The following DERL3 variants were observed in gnomAD, a reference collection of about 807,000 sequenced individuals.
DERL3 encodes derlin-3.
DERL3 carries 20 observed loss-of-function variants against 23.8 expected under a neutral mutation model. The observed-to-expected ratio is 0.84, with a 90% CI of 0.59 to 1.22. The LOEUF (loss-of-function observed/expected upper bound fraction) is 1.22. Among genes scored for constraint, DERL3 ranks in the 50% most tolerant of loss-of-function variants. DERL3 has a pLI of 0.00. For missense variants in DERL3, 319 were observed against 304.1 expected, an observed-to-expected ratio of 1.05 and a Z score of -0.36; for synonymous variants, 145 against 132.5, an observed-to-expected ratio of 1.09 and a Z score of -0.65.
chr22:23,838,504 T>C lies in DERL3; in HGVS notation c.234-59A>G, dbSNP rs1309861080. On this transcript the variant is annotated intron_variant, in intron 3 of 6. Coordinates refer to ENST00000318109, the MANE Select transcript of DERL3 (RefSeq NM_001002862.3). ...GGGCCTCAGTTTCCCCGTCCCGGCCTCTCTCCCAGCCCGGCCGGCCTGCCC... is the reference window on the plus strand; with the variant it reads ...GGGCCTCAGTTTCCCCGTCCCGGCCCCTCTCCCAGCCCGGCCGGCCTGCCC... 5.4e-5 allele frequency: 85 copies of C among 1,573,044 alleles called. 4 individuals are homozygous for C. In the South Asian group the frequency reaches 9.6e-4, roughly 18 times the overall value.
intron 1 of DERL3, 58 bp from the exon 2 acceptor site, chr22:23,838,834 C>A (rs2031332049): frequency 1.3e-6 from 2 of 1,550,626 alleles, no homozygotes; most frequent in Non-Finnish European, 1.7e-6. Flanking sequence ...ACCATGGCGA[C>A]CCTCACCCCT....
At chr22:23,837,604 G>C (rs905816998) in intron 5 of DERL3, 55 bp downstream of exon 5, 2 of 1,558,302 alleles carry the variant, frequency 1.3e-6, no homozygotes, top group African/African-American at 1.4e-5. Flanking sequence ...CATAAGCAGC[G>C]TGTCCTGAGG....
intron 5 of DERL3, 105 bp downstream of exon 5, chr22:23,837,554 T>A: frequency 8.4e-7 from 1 of 1,196,226 alleles, no homozygotes; most frequent in Non-Finnish European, 1.2e-6. Context: ...GAGCCAGGTG[T>A]GAGGAGAACT....
Position 23,838,461 on chromosome 22 carries a change from AG to A in DERL3, c.234-17del, listed in dbSNP as rs770507203. ...GTAGCGGAACCTACGGCGTCGGTAT[AG>A]GAAGTGCCACCAGGCGGGGCCTCAG... On this transcript the variant is annotated splice_polypyrimidine_tract_variant and intron_variant, in intron 3 of 6. Coordinates refer to ENST00000318109, the MANE Select transcript of DERL3 (RefSeq NM_001002862.3). 6.3e-6 allele frequency: 10 copies of A among 1,593,114 alleles called. No homozygotes were observed. The African/African-American group carries it at 1.2e-4, about 19-fold the overall frequency.
chr22:23,834,938 G>T lies in DERL3; in HGVS notation c.*1931C>A. Reference sequence around the variant, plus strand: ...CCTTGCTGCTCTGAAGTCCCCTGCGGAGGGCCCAGTCCTGTGTGGGCACTG... The same window carrying T: ...CCTTGCTGCTCTGAAGTCCCCTGCGTAGGGCCCAGTCCTGTGTGGGCACTG... On this transcript the variant is annotated 3_prime_UTR_variant, in exon 7 of 7. Coordinates refer to ENST00000318109, the MANE Select transcript of DERL3 (RefSeq NM_001002862.3). 1 of 1,605,270 alleles carries T rather than the reference G, an allele frequency of 6.2e-7. No homozygotes were observed.
Position 23,836,863 on chromosome 22 carries a change from T to TG in DERL3, c.*5dup. The TG allele has an allele frequency of 6.9e-7, 1 of 1,453,648 alleles. No individual in the cohort carries two copies. The highest frequency in any genetic ancestry group is 9.1e-7 in the Non-Finnish European group (1 of 1,101,922). The allele number at this position is 1,453,648 out of a possible 1,614,324, so 90.0% of individuals were successfully genotyped here. A position where few individuals can be genotyped will look rare whatever the true frequency, so the allele number is the denominator to read the frequency against. On this transcript the variant is annotated 3_prime_UTR_variant, in exon 7 of 7. Transcript: ENST00000318109. Reference sequence around the variant, plus strand: ...GAAGCCTCTTAGGCCTGGCCCTGGGTGGGGGTCACTGCTGCGGGGGTGGCA... The same window carrying TG: ...GAAGCCTCTTAGGCCTGGCCCTGGGTGGGGGGTCACTGCTGCGGGGGTGGCA...
At position 23,835,066 on chromosome 22, in the gene DERL3, C is replaced by T. The variant is rs918325918; in HGVS notation, c.*1803G>A. On this transcript the variant is annotated 3_prime_UTR_variant, in exon 7 of 7. Coordinates refer to ENST00000318109, the MANE Select transcript of DERL3 (RefSeq NM_001002862.3). ...TTCCCACCCCAGCAGGTGCTGTGGC[C>T]TGGGCCAGCTCCTGCCTTACAAGCC... is the stretch of plus-strand genomic sequence containing the variant. 2.4e-5 allele frequency: 33 copies of T among 1,399,150 alleles called. No individual in the cohort carries two copies. In the Admixed American group the frequency reaches 5.6e-4, roughly 24 times the overall value. The allele number at this position is 1,399,150 out of a possible 1,614,324, so 86.7% of individuals were successfully genotyped here.
chr22:23,838,388 G>T lies in DERL3; in HGVS notation c.291C>A (p.Phe97Leu). ...EGSFRGRTAD[F>L]VFMFLFGGVL... ...CGCCCCCGAAGAGAAACATGAAGACGAAGTCGGCCGTGCGGCCGCGGAAGG... is the reference window on the plus strand; with the variant it reads ...CGCCCCCGAAGAGAAACATGAAGACTAAGTCGGCCGTGCGGCCGCGGAAGG... Residue 97 changes from phenylalanine (F) to leucine (L), a missense_variant, in exon 4 of 7, where the codon TTC becomes TTA. Physicochemically the swap from Phe to Leu is conservative, Grantham distance 22 (BLOSUM62 0). Coordinates refer to ENST00000318109, the MANE Select transcript of DERL3 (RefSeq NM_001002862.3). 1 of 1,610,126 alleles carries T rather than the reference G, an allele frequency of 6.2e-7. No homozygotes were observed. The highest frequency in any genetic ancestry group is 1.1e-5 in the South Asian group (1 of 90,320).
chr22:23,838,963 C>T lies in DERL3; in HGVS notation c.25G>A (p.Glu9Lys). The change falls in exon 1 of 7, where the codon GAG (glutamate) becomes AAG (lysine). Residue 9 changes from glutamate to lysine, a missense_variant. Glu to Lys is a moderately conservative substitution (Grantham distance 56). Transcript: ENST00000318109. The stretch of plus-strand genomic sequence containing the variant: ...GTCACCGCCGGCACCTGCAGGAACT[C>T]GGCCGCTAGTCCCTGCCACGCCATT... The part of the protein sequence containing the change: MAWQGLAA[E>K]FLQVPAVTRA... The T allele has an allele frequency of 6.3e-7, 1 of 1,580,808 alleles. No individual in the cohort carries two copies. The highest frequency in any genetic ancestry group is 1.2e-5 in the South Asian group (1 of 86,934).
Position 23,838,167 on chromosome 22 carries a change from T to G in DERL3, c.327+185A>C, listed in dbSNP as rs1453720048. 4 of 1,541,616 alleles carry G rather than the reference T, an allele frequency of 2.6e-6. No homozygotes were observed. In the Admixed American group the frequency reaches 5.9e-5, roughly 23 times the overall value. On this transcript the variant is annotated intron_variant, in intron 4 of 6. Transcript: ENST00000318109. ...CTCTTTTGTGCATGGCTTTGTATTT[T>G]GCATACAGCACTGAAGATCTAGCCC... is the stretch of plus-strand genomic sequence containing the variant.
At position 23,836,251 on chromosome 22, in the gene DERL3, AT is replaced by A; in HGVS notation, c.*617del. Reference sequence around the variant, plus strand: ...AGTCCTGGCCCTCTTCTGCACCTGAATCCATGGGGCTTTGGCATCACCAGAT... The same window carrying A: ...AGTCCTGGCCCTCTTCTGCACCTGAACCATGGGGCTTTGGCATCACCAGAT... On this transcript the variant is annotated 3_prime_UTR_variant, in exon 7 of 7. Transcript: ENST00000318109. 1.0e-6 allele frequency: 1 copy of A among 985,446 alleles called. No homozygotes were observed. Among genetic ancestry groups the A allele is most frequent in the Non-Finnish European group, 1.2e-6 (1 of 829,952 alleles). 61.0% of individuals were successfully genotyped at this position (985,446 alleles called of 1,614,324 possible).
At position 23,835,373 on chromosome 22, in the gene DERL3, T is replaced by G; in HGVS notation, c.*1496A>C. Reference sequence around the variant, plus strand: ...ACAGACTGCTGCCACCCTCAGCTGTTGGCAGGTCCCATGCTGCCAGGGCAG... The same window carrying G: ...ACAGACTGCTGCCACCCTCAGCTGTGGGCAGGTCCCATGCTGCCAGGGCAG... On this transcript the variant is annotated 3_prime_UTR_variant, in exon 7 of 7. Transcript: ENST00000318109. 1 of 990,204 alleles carries G rather than the reference T, an allele frequency of 1.0e-6. No homozygotes were observed. The highest frequency in any genetic ancestry group is 4.7e-5 in the South Asian group (1 of 21,338). The allele number at this position is 990,204 out of a possible 1,614,324, so 61.3% of individuals were successfully genotyped here. A position where few individuals can be genotyped will look rare whatever the true frequency, so the allele number is the denominator to read the frequency against.
chr22:23,837,939 C>T, intron 4 of DERL3, 85 bp from the exon 5 acceptor site: 1 of 1,361,388 alleles, frequency 7.3e-7, no homozygotes, highest in Admixed American at 2.4e-5. Context: ...GAATTCTTCC[C>T]CTCATCTCCC....
In DERL3 at chr22:23,835,233, T is replaced by C; in HGVS notation, c.*1636A>G. The stretch of plus-strand genomic sequence containing the variant: ...ATGTCCCCTCTGTTCTCATCTGTAA[T>C]AGGGAGGTGTCCCCATTCTTCAGAA... On this transcript the variant is annotated 3_prime_UTR_variant, in exon 7 of 7. Transcript: ENST00000318109. 1 of 1,178,216 alleles carries C rather than the reference T, an allele frequency of 8.5e-7. No homozygotes were observed. The highest frequency in any genetic ancestry group is 1.0e-6 in the Non-Finnish European group (1 of 953,236). 73.0% of individuals were successfully genotyped at this position (1,178,216 alleles called of 1,614,324 possible).
chr22:23,836,987 C>T, intron 6 of DERL3, 25 bp from the exon 7 acceptor site: 1 of 1,606,900 alleles, frequency 6.2e-7, no homozygotes. Context: ...CCGTGTTGAG[C>T]ACAGGCCAGC....
At position 23,838,649 on chromosome 22, in the gene DERL3, G is replaced by C; in HGVS notation, c.160-12C>G. The C allele has an allele frequency of 1.3e-6, 2 of 1,557,934 alleles. No homozygotes were observed. Among genetic ancestry groups the C allele is most frequent in the South Asian group, 1.2e-5 (1 of 84,344 alleles). ...ACGAGCCTCCAGACCTACGGGGGAC[G>C]GGCGGTCAGGTGCGGGGTGGGTGGG... On this transcript the variant is annotated splice_polypyrimidine_tract_variant and intron_variant, in intron 2 of 6. Transcript: ENST00000318109.
In DERL3 at chr22:23,835,954, T is replaced by C. The variant is rs963219591; in HGVS notation, c.*915A>G. The C allele has an allele frequency of 1.2e-5, 12 of 985,394 alleles. No homozygotes were observed. In the African/African-American group the frequency reaches 1.7e-4, roughly 14 times the overall value. The allele number at this position is 985,394 out of a possible 1,614,324, so 61.0% of individuals were successfully genotyped here. On this transcript the variant is annotated 3_prime_UTR_variant, in exon 7 of 7. Coordinates refer to ENST00000318109, the MANE Select transcript of DERL3 (RefSeq NM_001002862.3). ...GGGCAGACTCAACAGAGAACAGTGT[T>C]GTTACCATGAAAATGACAACCTGTC...
Position 23,838,770 on chromosome 22 carries a change from C to G in DERL3, c.100G>C (p.Glu34Gln), listed in dbSNP as rs1444170392. 7.1e-6 allele frequency: 11 copies of G among 1,551,394 alleles called. No homozygotes were observed. Among genetic ancestry groups the G allele is most frequent in the Non-Finnish European group, 2.6e-6 (3 of 1,146,888 alleles). The change falls in exon 2 of 7, where the codon GAG (glutamate) becomes CAG (glutamine). Residue 34 changes from glutamate (E) to glutamine (Q), a missense_variant. Physicochemically the swap from Glu to Gln is conservative, Grantham distance 29. Transcript: ENST00000318109. ...TAGAGTTGAAAGGGGCTGAGGAGCT[C>G]CAGCTGCTGTGGAACCAGGGGCCAG... The part of the protein sequence containing the change: ...CVLTTAAVQL[E>Q]LLSPFQLYFN...
At position 23,836,815 on chromosome 22, in the gene DERL3, C is replaced by A; in HGVS notation, c.*54G>T. Reference sequence around the variant, plus strand: ...GGTTTTTTCTGCCCCAAGTAGGGGTCATGGGTAGGATGGAAGCTGCCAGAA... The same window carrying A: ...GGTTTTTTCTGCCCCAAGTAGGGGTAATGGGTAGGATGGAAGCTGCCAGAA... On this transcript the variant is annotated 3_prime_UTR_variant, in exon 7 of 7. Coordinates refer to ENST00000318109, the MANE Select transcript of DERL3 (RefSeq NM_001002862.3). The A allele has an allele frequency of 7.0e-7, 1 of 1,431,346 alleles. No individual in the cohort carries two copies. The highest frequency in any genetic ancestry group is 9.2e-7 in the Non-Finnish European group (1 of 1,091,606). 88.7% of individuals were successfully genotyped at this position (1,431,346 alleles called of 1,614,324 possible).
Sources: allele counts gnomAD v4.1 joint callset, GRCh38; gene constraint gnomAD v4.1.1; transcripts MANE v1.5; gene names NCBI Gene and HGNC (gene_info 2026-07-23, HGNC 2026-07-21).